Variants in KDM2B observed in about 807,000 individuals in gnomAD.
KDM2B encodes the protein lysine-specific demethylase 2B.
A neutral mutation model predicts 150.0 loss-of-function variants in KDM2B; 26 were observed. The observed-to-expected ratio is 0.17, with a 90% CI of 0.13 to 0.24. The LOEUF is 0.24. Ranked by LOEUF, KDM2B falls within the 10% of genes least tolerant of loss-of-function variation. The pLI, the probability that KDM2B is intolerant of heterozygous loss-of-function variation, is 1.00. For missense variants in KDM2B, 1,265 were observed against 1,816.9 expected (o/e 0.70, Z 5.52); for synonymous variants, 734 against 729.5 (o/e 1.01, Z -0.10).
chr12:121,417,602 A>G, the KDM2B span: 3 of 1,614,258 alleles, frequency 1.9e-6, no homozygotes, highest in Admixed American at 3.3e-5. The surrounding 1 kb of genome is among the most constrained non-coding windows in gnomAD (Gnocchi z 5.0). Context: ...TACAAGAGAC[A>G]GCATTTCAGC....
rs976572588 is a variant in KDM2B at position 121,513,174 on chromosome 12, A to G, written c.1174+102T>C. 7.2e-7 allele frequency: 1 copy of G among 1,387,370 alleles called. No individual in the cohort carries two copies. Among genetic ancestry groups the G allele is most frequent in the Non-Finnish European group, 1.0e-6 (1 of 1,001,568 alleles). The allele number at this position is 1,387,370 out of a possible 1,614,324, so 85.9% of individuals were successfully genotyped here. ...GGATTCTGCCCAATACACTGATTCA[A>G]CGAATCCCCAAAACTCAGGGAGTGT... On this transcript the variant is annotated intron_variant, in intron 10 of 22. Coordinates refer to ENST00000377071, the MANE Select transcript of KDM2B (RefSeq NM_032590.5). The surrounding 1 kb of genome is among the most constrained non-coding windows in gnomAD (Gnocchi z 5.0).
chr12:121,423,408 G>C, the KDM2B span: 1 of 1,610,230 alleles, frequency 6.2e-7, no homozygotes. This position sits in a 1 kb window ranked among gnomAD's most constrained non-coding sequence, Gnocchi z 4.3. Flanking sequence ...TGCAGCTGCA[G>C]GATGAGGAAG....
chr12:121,581,167 C>T (rs571613750), upstream of KDM2B: 2 of 417,628 alleles, frequency 4.8e-6, no homozygotes, highest in Non-Finnish European at 8.4e-6. Flanking sequence ...TTTAAAGGTT[C>T]TTGCGCTCGG....
intron 6 of KDM2B, among the ~76,000 whole-genome samples, chr12:121,548,240 C>A (rs1555311089): frequency 6.6e-6 from 1 of 151,986 alleles, no homozygotes; most frequent in Middle Eastern, 3.2e-3. Context: ...GCACTCCAGC[C>A]TGGGAGACAG....
intron 11 of KDM2B, 81 bp downstream of exon 11, chr12:121,509,486 A>C: frequency 6.4e-7 from 1 of 1,550,766 alleles, no homozygotes; most frequent in African/African-American, 1.4e-5. Flanking sequence ...AGCCATCGTG[A>C]GCTGAGCTGC....
At position 121,467,317 on chromosome 12, in the gene KDM2B, C is replaced by T; in HGVS notation, c.1735-13973G>A. 4 of 982,650 alleles carry T rather than the reference C, an allele frequency of 4.1e-6. No homozygotes were observed. The highest frequency in any genetic ancestry group is 4.8e-6 in the Non-Finnish European group (4 of 829,048). The allele number at this position is 982,650 out of a possible 1,614,324, so 60.9% of individuals were successfully genotyped here. A position where few individuals can be genotyped will look rare whatever the true frequency, so the allele number is the denominator to read the frequency against. On this transcript the variant is annotated intron_variant, in intron 12 of 22. Transcript: ENST00000377071. This position sits in a 1 kb window ranked among gnomAD's most constrained non-coding sequence, Gnocchi z 5.1. ...GCTCGCCCTGGCTCGGGCTCGGGCT[C>T]GGGCTCGGGCTCCCGCTGCCGCGAG...
intron 6 of KDM2B, among the ~76,000 whole-genome samples, chr12:121,538,713 A>G (rs891548226): frequency 1.2e-4 from 19 of 152,114 alleles, no homozygotes; most frequent in South Asian, 2.1e-4. Context: ...CTGTTTTCAG[A>G]TAAGCACAGG....
intron 12 of KDM2B, among the ~76,000 whole-genome samples, chr12:121,455,842 G>T (rs1201813575): frequency 6.6e-6 from 1 of 152,200 alleles, no homozygotes; most frequent in Admixed American, 6.5e-5. Context: ...AGTCACGTCT[G>T]GCTGCCCACG....
In KDM2B at chr12:121,481,758, G is replaced by GT. The variant is rs111363850; in HGVS notation, c.1734+12820dup. On this transcript the variant is annotated intron_variant, in intron 12 of 22. Coordinates refer to ENST00000377071, the MANE Select transcript of KDM2B (RefSeq NM_032590.5). ...TTGCTTTTCAAGAACTTATCTTAGG[G>GT]TTTTTTTTGTTTGTTTGTTTGTTTG... is the stretch of plus-strand genomic sequence containing the variant. Among the ~76,000 whole-genome samples the GT allele has an allele frequency of 2.8e-3, 340 of 123,246 alleles. 2 individuals are homozygous for GT. Among genetic ancestry groups the GT allele is most frequent in the African/African-American group, 0.011 (319 of 29,148 alleles). The allele number at this position is 123,246 out of a possible 152,430, so 80.9% of individuals were successfully genotyped here.
At chr12:121,417,174 G>A in the KDM2B span, among the ~76,000 whole-genome samples, 125 of 152,338 alleles carry the variant, frequency 8.2e-4, no homozygotes, top group Non-Finnish European at 1.4e-3. This position sits in a 1 kb window ranked among gnomAD's most constrained non-coding sequence, Gnocchi z 5.0. Flanking sequence ...AGACCAGGAA[G>A]TGTGATTCTG....
chr12:121,558,199 T>C (rs1346115738), intron 4 of KDM2B, among the ~76,000 whole-genome samples: 1 of 152,212 alleles, frequency 6.6e-6, no homozygotes, highest in Non-Finnish European at 1.5e-5. Context: ...GCTCACTCTT[T>C]GTCGCATGAG....
chr12:121,463,165 A>C (rs2139277120), intron 12 of KDM2B, among the ~76,000 whole-genome samples: 1 of 152,252 alleles, frequency 6.6e-6, no homozygotes, highest in South Asian at 2.1e-4. Context: ...AAATACAAAA[A>C]TTAGCCAGCC....
At chr12:121,461,530 T>C (rs375322145) in intron 12 of KDM2B, among the ~76,000 whole-genome samples, 17 of 152,268 alleles carry the variant, frequency 1.1e-4, no homozygotes, top group African/African-American at 3.6e-4. Context: ...GGAGATGCTC[T>C]AGAAGCAGAC....
chr12:121,416,399 A>G, the KDM2B span: 4 of 1,456,312 alleles, frequency 2.7e-6, no homozygotes, highest in South Asian at 1.1e-5. Flanking sequence ...GAAATGTTAC[A>G]TAACAACACA....
At chr12:121,457,269 T>C (rs1878412182) in intron 12 of KDM2B, among the ~76,000 whole-genome samples, 1 of 152,046 alleles carries the variant, frequency 6.6e-6, no homozygotes, top group Admixed American at 6.6e-5. Flanking sequence ...TCTTTTCTTT[T>C]CTTTTTTTTT....
intron 22 of KDM2B, among the ~76,000 whole-genome samples, chr12:121,434,676 G>A (rs143446054): frequency 7.6e-4 from 115 of 152,214 alleles, no homozygotes; most frequent in African/African-American, 2.6e-3. Context: ...AGCTGGACCC[G>A]GCCGTGCGTG....
intron 1 of KDM2B, chr12:121,580,170 C>G: frequency 2.8e-6 from 4 of 1,440,618 alleles, no homozygotes; most frequent in Non-Finnish European, 3.6e-6. Context: ...TAAAGCAAGC[C>G]AGAGCCGAGA....
Position 121,467,357 on chromosome 12 carries a change from G to T in KDM2B, c.1735-14013C>A. ...GCTGCCGCGAGGAGGGAGCCGCGCCGCGCGCCTCGCACGCCCGCGCTGGAG... is the reference window on the plus strand; with the variant it reads ...GCTGCCGCGAGGAGGGAGCCGCGCCTCGCGCCTCGCACGCCCGCGCTGGAG... On this transcript the variant is annotated intron_variant, in intron 12 of 22. Coordinates refer to ENST00000377071, the MANE Select transcript of KDM2B (RefSeq NM_032590.5). The surrounding 1 kb of genome is among the most constrained non-coding windows in gnomAD (Gnocchi z 5.1). 1.0e-6 allele frequency: 1 copy of T among 981,358 alleles called. No individual in the cohort carries two copies. The highest frequency in any genetic ancestry group is 1.2e-6 in the Non-Finnish European group (1 of 828,228). The allele number at this position is 981,358 out of a possible 1,614,324, so 60.8% of individuals were successfully genotyped here.
intron 22 of KDM2B, among the ~76,000 whole-genome samples, chr12:121,431,555 A>G: frequency 6.6e-6 from 1 of 152,186 alleles, no homozygotes; most frequent in East Asian, 1.9e-4. Context: ...AACCGCAATC[A>G]TGCATACAAC....
Sources: allele counts gnomAD v4.1 joint callset (sites outside exome capture counted in the v4.1 genomes callset), GRCh38; gene constraint gnomAD v4.1.1; non-coding constraint Gnocchi (gnomAD v3.1); transcripts MANE v1.5; gene names NCBI Gene and HGNC (gene_info 2026-07-23, HGNC 2026-07-21).